ZNF107: variants seen among roughly 807,000 people sequenced by gnomAD.
ZNF107 encodes zinc finger protein 107.
ZNF107 carries 19 observed loss-of-function variants against 12.3 expected under a neutral mutation model. The ratio of observed to expected loss-of-function variants is 1.55; its 90% CI spans 1.08 to 2.27. The LOEUF (loss-of-function observed/expected upper bound fraction) is 2.27, where lower values mean the gene tolerates loss of function less well. Ranked by LOEUF, ZNF107 falls within the 30% of genes most tolerant of loss-of-function variation. The pLI is 0.00. For synonymous variants in ZNF107, 317 were observed against 330.5 expected (o/e 0.96, Z 0.44); for missense variants, 958 against 979.9 (o/e 0.98, Z 0.30).
At position 64,707,249 on chromosome 7, in the gene ZNF107, T is replaced by G. The variant is rs771162000; in HGVS notation, c.1152T>G (p.Leu384=). 4.3e-5 allele frequency: 69 copies of G among 1,612,988 alleles called. No individual in the cohort carries two copies. The highest frequency in any genetic ancestry group is 5.5e-5 in the Non-Finnish European group (65 of 1,179,678). ...CDKAFNRSLK[L]TAHKKILMEE... ...AAGCTTTTAACCGATCCTTAAAACT[T>G]ACTGCACATAAGAAAATTCTAATGG... The change falls in exon 4 of 4, where the codon CTT becomes CTG. Residue 384 remains leucine, a synonymous_variant. Coordinates refer to ENST00000620827, the MANE Select transcript of ZNF107 (RefSeq NM_001282359.2).
intron 1 of ZNF107, among the ~76,000 whole-genome samples, chr7:64,671,930 C>T (rs1302960172): frequency 3.3e-5 from 5 of 151,582 alleles, no homozygotes; most frequent in East Asian, 1.9e-4. Flanking sequence ...TACAGGTGCC[C>T]GCCACCAAGC....
intron 1 of ZNF107, among the ~76,000 whole-genome samples, chr7:64,684,188 C>T (rs887926420): frequency 2.6e-5 from 4 of 152,144 alleles, no homozygotes; most frequent in East Asian, 1.9e-4. Flanking sequence ...TCTGAGCCAC[C>T]GCCCATGAAC....
intron 1 of ZNF107, among the ~76,000 whole-genome samples, chr7:64,670,767 T>C (rs1789190768): frequency 6.6e-6 from 1 of 152,230 alleles, no homozygotes; most frequent in South Asian, 2.1e-4. Flanking sequence ...TTTTTCCATT[T>C]GAATTTTCCT....
At chr7:64,702,177 C>G (rs911515133) in intron 3 of ZNF107, among the ~76,000 whole-genome samples, 3 of 150,652 alleles carry the variant, frequency 2.0e-5, no homozygotes, top group Non-Finnish European at 2.9e-5. Context: ...GAGACGGAGT[C>G]TTGCTCTGTC....
intron 1 of ZNF107, chr7:64,689,552 T>TA (rs1488648743): frequency 6.6e-6 from 1 of 152,290 alleles, no homozygotes; most frequent in African/African-American, 2.4e-5. Context: ...TACCTACCCG[T>TA]AAAATGTAAT....
intron 2 of ZNF107, 110 bp downstream of exon 2, chr7:64,691,484 C>G (rs1790116958): frequency 4.6e-5 from 47 of 1,015,490 alleles, no homozygotes; most frequent in Non-Finnish European, 6.0e-5. Context: ...AGTTTCAGAT[C>G]TCTGTTTTCA....
At chr7:64,674,048 C>T (rs1351411592) in intron 1 of ZNF107, among the ~76,000 whole-genome samples, 2 of 151,788 alleles carry the variant, frequency 1.3e-5, no homozygotes, top group Non-Finnish European at 2.9e-5. Flanking sequence ...GCAGTGCCTC[C>T]AGCTTTGTTC....
chr7:64,680,676 G>A (rs1030586534), intron 1 of ZNF107, among the ~76,000 whole-genome samples: 3 of 152,134 alleles, frequency 2.0e-5, no homozygotes, highest in African/African-American at 7.2e-5. Flanking sequence ...AGGGCCAGGG[G>A]CCAGAAGGCC....
In ZNF107 at chr7:64,696,932, A is replaced by C. The variant is rs1413470253; in HGVS notation, c.226+4972A>C. Among the ~76,000 whole-genome samples, 5 of 151,980 alleles carry C rather than the reference A, an allele frequency of 3.3e-5. 1 individual carries two copies. The highest frequency in any genetic ancestry group is 7.4e-5 in the Non-Finnish European group (5 of 68,004). On this transcript the variant is annotated intron_variant, in intron 3 of 3. Coordinates refer to ENST00000620827, the MANE Select transcript of ZNF107 (RefSeq NM_001282359.2). Reference sequence around the variant, plus strand: ...TGCTGCACCCAGTAACTCGTCATTTACATTTGGTATATCTCCTAATGCTAT... The same window carrying C: ...TGCTGCACCCAGTAACTCGTCATTTCCATTTGGTATATCTCCTAATGCTAT...
intron 3 of ZNF107, among the ~76,000 whole-genome samples, chr7:64,705,672 T>C (rs553168750): frequency 6.6e-6 from 1 of 151,108 alleles, no homozygotes; most frequent in Non-Finnish European, 1.5e-5. Flanking sequence ...GTTCTTAAGA[T>C]GTGTCTTGTC....
chr7:64,684,961 A>G (rs1465967546), intron 1 of ZNF107, among the ~76,000 whole-genome samples: 1 of 152,060 alleles, frequency 6.6e-6, no homozygotes, highest in Non-Finnish European at 1.5e-5. Flanking sequence ...ATCAGCTACC[A>G]CTTACGTTGC....
intron 1 of ZNF107, chr7:64,669,242 C>G (rs1789131361): frequency 6.6e-6 from 1 of 151,704 alleles, no homozygotes; most frequent in African/African-American, 2.4e-5. Flanking sequence ...CCTTGAACTC[C>G]TGACCTCAAG....
At chr7:64,701,926 T>G (rs1790489497) in intron 3 of ZNF107, among the ~76,000 whole-genome samples, 1 of 152,160 alleles carries the variant, frequency 6.6e-6, no homozygotes, top group Non-Finnish European at 1.5e-5. Context: ...TTTAGTTAAT[T>G]TATATTTAAA....
At chr7:64,679,198 G>T in intron 1 of ZNF107, 1 of 984,808 alleles carries the variant, frequency 1.0e-6, no homozygotes, top group Non-Finnish European at 1.2e-6. Context: ...ACACACATTT[G>T]ATGCTGAAAT....
chr7:64,708,181 A>T lies in ZNF107; in HGVS notation c.2084A>T (p.His695Leu), dbSNP rs1477581718. The T allele has an allele frequency of 1.9e-6, 3 of 1,612,272 alleles. No homozygotes were observed. The highest frequency in any genetic ancestry group is 1.3e-5 in the African/African-American group (1 of 74,760). The change falls in exon 4 of 4, where the codon CAT (histidine) becomes CTT (leucine). Residue 695 changes from histidine (H) to leucine (L), a missense_variant. Coordinates refer to ENST00000620827, the MANE Select transcript of ZNF107 (RefSeq NM_001282359.2). ...AACCGATTCTCAAACCTAACTATAC[A>T]TAAGAGAATTCATACGGGAGAGAAA... Reference protein sequence around the residue: ...AYNRFSNLTIHKRIHTGEKPY... With the variant: ...AYNRFSNLTILKRIHTGEKPY...
intron 1 of ZNF107, among the ~76,000 whole-genome samples, chr7:64,686,247 C>T (rs1273346401): frequency 6.6e-6 from 1 of 152,146 alleles, no homozygotes; most frequent in African/African-American, 2.4e-5. Flanking sequence ...GTCTTTCAGA[C>T]TTTTAACACC....
chr7:64,681,845 C>T lies in ZNF107; in HGVS notation c.4-9403C>T, dbSNP rs377173812. On this transcript the variant is annotated intron_variant, in intron 1 of 3. Coordinates refer to ENST00000620827, the MANE Select transcript of ZNF107 (RefSeq NM_001282359.2). ...TTTTCATCCATTCTATAGTGCCAAA[C>T]CCATATACTCTCTTGTCCAGAATAC... Among the ~76,000 whole-genome samples the T allele has an allele frequency of 3.9e-5, 6 of 152,230 alleles. No individual in the cohort carries two copies. The East Asian group carries it at 1.2e-3, about 30-fold the overall frequency.
At chr7:64,698,908 T>C (rs1015747065) in intron 3 of ZNF107, among the ~76,000 whole-genome samples, 1 of 152,202 alleles carries the variant, frequency 6.6e-6, no homozygotes, top group Non-Finnish European at 1.5e-5. Flanking sequence ...AGTGTTGATA[T>C]CCAGTTCTCA....
chr7:64,696,067 ATT>A (rs879605438), intron 3 of ZNF107, among the ~76,000 whole-genome samples: 3 of 144,274 alleles, frequency 2.1e-5, no homozygotes, highest in African/African-American at 2.5e-5. Context: ...CCTCTCTACA[ATT>A]TTTTTTTTTT....
Sources: gnomAD v4.1 joint callset for allele counts (sites outside exome capture counted in the v4.1 genomes callset) on GRCh38, gnomAD v4.1.1 for gene constraint, MANE v1.5 for transcripts, NCBI Gene and HGNC (gene_info 2026-07-23, HGNC 2026-07-21) for gene names.